The following EXOC6B variants were observed in gnomAD, a reference collection of about 807,000 sequenced individuals.
The protein encoded by EXOC6B is SEC15 homolog B.
In EXOC6B, 54 loss-of-function variants were observed where a neutral mutation model predicts 113.5. That is an observed-to-expected ratio of 0.48 (90% confidence interval 0.38 to 0.60). EXOC6B has a LOEUF of 0.60. EXOC6B is among the 20% of genes least tolerant of loss of function. EXOC6B has a pLI of 0.00. For synonymous variants in EXOC6B, 357 were observed against 339.0 expected (o/e 1.05, Z -0.58); for missense variants, 797 against 977.5 (o/e 0.82, Z 2.46).
At chr2:72,410,946 T>C (rs1000905539) in intron 18 of EXOC6B, among the ~76,000 whole-genome samples, 1 of 152,174 alleles carries the variant, frequency 6.6e-6, no homozygotes, top group Non-Finnish European at 1.5e-5. Context: ...CAGTGACTCA[T>C]TCCTATAGCC....
chr2:72,475,687 G>A (rs1698696824), intron 17 of EXOC6B, among the ~76,000 whole-genome samples: 1 of 152,138 alleles, frequency 6.6e-6, no homozygotes, highest in South Asian at 2.1e-4. Flanking sequence ...TGCTCTGATG[G>A]TAGGTGGCAG....
Position 72,334,994 on chromosome 2 carries a change from C to G in EXOC6B, c.2149G>C (p.Gly717Arg), listed in dbSNP as rs1404595959. ...AACTGCAGCGTGTCCTCCTGGAACCCAGGCACCGGGCCGGATCTGGCAAAC... is the reference window on the plus strand; with the variant it reads ...AACTGCAGCGTGTCCTCCTGGAACCGAGGCACCGGGCCGGATCTGGCAAAC... ...EQFARSGPVPGFQEDTLQLAF... is the reference protein window; with the variant it reads ...EQFARSGPVPRFQEDTLQLAF... The change falls in exon 20 of 22, where the codon GGG becomes CGG. Residue 717 changes from glycine (G) to arginine (R), a missense_variant. By Grantham distance (125) the Gly-to-Arg change is moderately radical. Coordinates refer to ENST00000272427, the MANE Select transcript of EXOC6B (RefSeq NM_015189.3). 1 of 1,613,214 alleles carries G rather than the reference C, an allele frequency of 6.2e-7. No homozygotes were observed. Among genetic ancestry groups the G allele is most frequent in the Non-Finnish European group, 8.5e-7 (1 of 1,179,508 alleles).
At chr2:72,506,370 T>C (rs1700594866) in intron 11 of EXOC6B, among the ~76,000 whole-genome samples, 1 of 152,144 alleles carries the variant, frequency 6.6e-6, no homozygotes, top group African/African-American at 2.4e-5. Context: ...GGAATAGCCC[T>C]TTCCAGCTTA....
At chr2:72,671,292 T>C (rs1675775108) in intron 6 of EXOC6B, among the ~76,000 whole-genome samples, 1 of 152,070 alleles carries the variant, frequency 6.6e-6, no homozygotes, top group Admixed American at 6.5e-5. Context: ...CCAGAACATA[T>C]AAGGAGCTCA....
intron 20 of EXOC6B, among the ~76,000 whole-genome samples, chr2:72,303,419 A>AATAT (rs1317070995): frequency 2.0e-4 from 31 of 152,106 alleles, no homozygotes; most frequent in African/African-American, 6.0e-4. Context: ...TATTTCATGG[A>AATAT]GGTTTTGTTC....
At chr2:72,557,172 T>G (rs1014340426) in intron 8 of EXOC6B, among the ~76,000 whole-genome samples, 1 of 151,456 alleles carries the variant, frequency 6.6e-6, no homozygotes, top group African/African-American at 2.4e-5. Flanking sequence ...TCAAGGATAT[T>G]TACACATCTA....
chr2:72,809,157 T>C (rs1685739365), intron 1 of EXOC6B, among the ~76,000 whole-genome samples: 1 of 150,978 alleles, frequency 6.6e-6, no homozygotes, highest in Non-Finnish European at 1.5e-5. Context: ...GAGGAAGGCA[T>C]GAAAAAGAAA....
At chr2:72,515,467 A>G (rs995982136) in intron 8 of EXOC6B, 23 of 1,070,890 alleles carry the variant, frequency 2.1e-5, no homozygotes, top group Non-Finnish European at 2.5e-5. Context: ...AGGTAAGAAA[A>G]TGCTCCTTAA....
intron 20 of EXOC6B, among the ~76,000 whole-genome samples, chr2:72,249,347 C>T (rs1053035561): frequency 3.3e-5 from 5 of 152,154 alleles, no homozygotes; most frequent in South Asian, 4.2e-4. Flanking sequence ...GCAAGCCTCC[C>T]GGGTTCACGT....
At chr2:72,625,888 T>C (rs180868175) in intron 6 of EXOC6B, among the ~76,000 whole-genome samples, 2 of 152,336 alleles carry the variant, frequency 1.3e-5, no homozygotes, top group African/African-American at 4.8e-5. Context: ...GAATTTACTG[T>C]GGTTTTTTAC....
At chr2:72,242,300 G>A (rs1453178072) in intron 20 of EXOC6B, among the ~76,000 whole-genome samples, 1 of 152,166 alleles carries the variant, frequency 6.6e-6, no homozygotes, top group East Asian at 1.9e-4. Context: ...AATAACCAAT[G>A]TATTCAGCAA....
chr2:72,271,614 G>GAA (rs923622111), intron 20 of EXOC6B, among the ~76,000 whole-genome samples: 1 of 146,372 alleles, frequency 6.8e-6, no homozygotes, highest in African/African-American at 2.5e-5. Flanking sequence ...TGATTTTAGG[G>GAA]AAAAAAAAAA....
intron 18 of EXOC6B, among the ~76,000 whole-genome samples, chr2:72,422,029 G>A (rs1051897948): frequency 7.2e-5 from 11 of 152,216 alleles, no homozygotes; most frequent in East Asian, 1.9e-4. Flanking sequence ...CCGGTGCTGC[G>A]CTCGATTTCT....
intron 6 of EXOC6B, among the ~76,000 whole-genome samples, chr2:72,715,048 C>T (rs928263406): frequency 9.2e-5 from 14 of 152,056 alleles, no homozygotes; most frequent in South Asian, 2.1e-4. Context: ...GGGTGGATCA[C>T]GAGGTCAAGA....
At chr2:72,308,758 G>C (rs1687027580) in intron 20 of EXOC6B, among the ~76,000 whole-genome samples, 1 of 152,090 alleles carries the variant, frequency 6.6e-6, no homozygotes, top group African/African-American at 2.4e-5. Flanking sequence ...GGAAGTTTCT[G>C]ATATCCCAAC....
At chr2:72,217,821 T>G (rs1048224651) in intron 20 of EXOC6B, among the ~76,000 whole-genome samples, 7 of 152,252 alleles carry the variant, frequency 4.6e-5, no homozygotes, top group African/African-American at 1.7e-4. Flanking sequence ...TCCTTGATTA[T>G]GCTTTATTTT....
At chr2:72,529,647 G>C (rs1701897590) in intron 8 of EXOC6B, among the ~76,000 whole-genome samples, 1 of 152,120 alleles carries the variant, frequency 6.6e-6, no homozygotes, top group Non-Finnish European at 1.5e-5. Context: ...TTTGTTTTTA[G>C]AGATGGGATC....
chr2:72,511,448 C>T lies in EXOC6B; in HGVS notation c.1167+1684G>A, dbSNP rs115074463. On this transcript the variant is annotated intron_variant, in intron 11 of 21. Coordinates refer to ENST00000272427, the MANE Select transcript of EXOC6B (RefSeq NM_015189.3). The stretch of plus-strand genomic sequence containing the variant: ...ACAATTAATCTTACTTCCTAAAAAT[C>T]TCTTGAATTCAACCATATCTCTCAA... Among the ~76,000 whole-genome samples, 1,502 of 152,230 alleles carry T rather than the reference C, an allele frequency of 9.9e-3. 39 individuals carry two copies. The highest frequency in any genetic ancestry group is 0.035 in the African/African-American group (1,437 of 41,564).
Position 72,437,778 on chromosome 2 carries a change from A to G in EXOC6B, c.1980+27382T>C, listed in dbSNP as rs1353635633. On this transcript the variant is annotated intron_variant, in intron 18 of 21. Transcript: ENST00000272427. The stretch of plus-strand genomic sequence containing the variant: ...TTTGCTCTTATCTAATATGCATATA[A>G]GAACAAAAATTGTATCAGATTGTGC... Among the ~76,000 whole-genome samples the G allele has an allele frequency of 2.6e-5, 4 of 152,234 alleles. No individual in the cohort carries two copies. The East Asian group carries it at 7.7e-4, about 29-fold the overall frequency.
Sources: allele counts gnomAD v4.1 joint callset (sites outside exome capture counted in the v4.1 genomes callset), GRCh38; gene constraint gnomAD v4.1.1; transcripts MANE v1.5; gene names NCBI Gene and HGNC (gene_info 2026-07-23, HGNC 2026-07-21).